Variants in KNTC1 observed in about 807,000 individuals in gnomAD.
KNTC1 encodes the protein kinetochore associated 1.
Under a neutral mutation model 314.4 loss-of-function variants are expected in KNTC1, and 253 were observed. That is an observed-to-expected ratio of 0.80 (90% CI 0.73 to 0.89). The LOEUF (loss-of-function observed/expected upper bound fraction) is 0.89. Among genes scored for constraint, KNTC1 ranks in the 40% least tolerant of loss-of-function variants. The pLI, the probability that KNTC1 is intolerant of heterozygous loss-of-function variation, is 0.00. For missense variants in KNTC1, 2,475 were observed against 2,572.9 expected, an observed-to-expected ratio of 0.96 and a Z score of 0.82; for synonymous variants, 901 against 901.4, an observed-to-expected ratio of 1.00 and a Z score of 0.01.
intron 41 of KNTC1, 119 bp from the exon 42 acceptor site, chr12:122,591,216 ATG>A: frequency 1.4e-6 from 1 of 691,526 alleles, no homozygotes; most frequent in Non-Finnish European, 2.6e-6. Context: ...ACAAAATAAT[ATG>A]TAACATTCTA....
In KNTC1 at chr12:122,604,898, G is replaced by A. The variant is rs759415897; in HGVS notation, c.5197G>A (p.Glu1733Lys). Residue 1733 changes from glutamate to lysine, a missense_variant, in exon 50 of 64, where the codon GAG becomes AAG. Coordinates refer to ENST00000333479, the MANE Select transcript of KNTC1 (RefSeq NM_014708.6). Reference sequence around the variant, plus strand: ...AAAGGACGAAAAACGTGAAAAAGCCGAGGCTTTGTTGAAGAAGCTTCATAT... The same window carrying A: ...AAAGGACGAAAAACGTGAAAAAGCCAAGGCTTTGTTGAAGAAGCTTCATAT... ...PSQDEKREKA[E>K]ALLKKLHIQY... The A allele has an allele frequency of 1.2e-5, 19 of 1,606,252 alleles. No homozygotes were observed. Among genetic ancestry groups the A allele is most frequent in the Admixed American group, 3.4e-5 (2 of 58,518 alleles).
At chr12:122,618,583 T>A (rs775715685) in intron 59 of KNTC1, 38 bp downstream of exon 59, 1 of 1,403,682 alleles carries the variant, frequency 7.1e-7, no homozygotes, top group African/African-American at 1.4e-5. Context: ...AAAAAAAAAG[T>A]TTGTTGCTTA....
intron 61 of KNTC1, 105 bp downstream of exon 61, chr12:122,622,075 T>A: frequency 1.2e-6 from 1 of 805,838 alleles, no homozygotes; most frequent in South Asian, 1.6e-5. Context: ...TCTAGCTGTT[T>A]GTTTATGTAT....
At chr12:122,561,853 A>G in intron 18 of KNTC1, 68 bp from the exon 19 acceptor site, 1 of 1,352,794 alleles carries the variant, frequency 7.4e-7, no homozygotes, top group East Asian at 2.4e-5. Context: ...TATTTCACAG[A>G]AAATCCATCA....
chr12:122,535,096 T>C (rs1176858911), intron 3 of KNTC1, among the ~76,000 whole-genome samples: 2 of 152,238 alleles, frequency 1.3e-5, no homozygotes, highest in African/African-American at 4.8e-5. Context: ...CTGAATCTTG[T>C]ACAGAATTTC....
chr12:122,611,256 G>A (rs1003989121), intron 53 of KNTC1: 6 of 203,964 alleles, frequency 2.9e-5, no homozygotes, highest in Non-Finnish European at 4.9e-5. Flanking sequence ...TGCATGCTCT[G>A]GTCAGACCAC....
intron 1 of KNTC1, among the ~76,000 whole-genome samples, chr12:122,528,512 G>T (rs1415757002): frequency 6.6e-6 from 1 of 152,162 alleles, no homozygotes; most frequent in Non-Finnish European, 1.5e-5. Context: ...GGAGATCAAG[G>T]CCAGCCAGGG....
intron 13 of KNTC1, 89 bp downstream of exon 13, chr12:122,549,953 T>A: frequency 1.4e-6 from 1 of 716,058 alleles, no homozygotes; most frequent in Non-Finnish European, 2.3e-6. Flanking sequence ...CCTTAATAAT[T>A]AAGCTAAGCA....
intron 12 of KNTC1, among the ~76,000 whole-genome samples, chr12:122,548,909 G>C (rs957628477): frequency 6.6e-6 from 1 of 151,920 alleles, no homozygotes; most frequent in Non-Finnish European, 1.5e-5. Flanking sequence ...CAGAGGTTGC[G>C]GTAAGCTGAG....
At chr12:122,608,482 A>T (rs1872765506) in intron 51 of KNTC1, among the ~76,000 whole-genome samples, 1 of 152,154 alleles carries the variant, frequency 6.6e-6, no homozygotes, top group African/African-American at 2.4e-5. Context: ...TTGATTCAAC[A>T]AGGATTTTTA....
At chr12:122,603,733 C>G (rs575085493) in intron 48 of KNTC1, among the ~76,000 whole-genome samples, 2 of 152,194 alleles carry the variant, frequency 1.3e-5, no homozygotes, top group African/African-American at 4.8e-5. Context: ...CCTTGTGATC[C>G]GCCCGCCTCG....
At position 122,562,687 on chromosome 12, in the gene KNTC1, C is replaced by G; in HGVS notation, c.1592C>G (p.Pro531Arg). 6.2e-7 allele frequency: 1 copy of G among 1,607,648 alleles called. No individual in the cohort carries two copies. ...ACTACTTTTTATGGAGCATTTGGAC[C>G]AGAAAAATTCAGGTGTGTACATTTT... The part of the protein sequence containing the change: ...KLTTFYGAFG[P>R]EKFSGSSWIE... Residue 531 changes from proline to arginine, a missense_variant, in exon 20 of 64, where the codon CCA (proline) becomes CGA (arginine). Coordinates refer to ENST00000333479, the MANE Select transcript of KNTC1 (RefSeq NM_014708.6).
At chr12:122,609,910 A>G (rs1345315288) in intron 52 of KNTC1, among the ~76,000 whole-genome samples, 1 of 152,224 alleles carries the variant, frequency 6.6e-6, no homozygotes, top group Non-Finnish European at 1.5e-5. Context: ...TCAAGTCAGA[A>G]CGAATGTGGC....
intron 51 of KNTC1, among the ~76,000 whole-genome samples, chr12:122,608,347 C>A (rs1322257936): frequency 6.6e-6 from 1 of 152,144 alleles, no homozygotes; most frequent in African/African-American, 2.4e-5. Flanking sequence ...CCAGGCTGAT[C>A]TCGAACTCCT....
chr12:122,554,076 A>ATATATATATATATATATATATATAT (rs1555224817), intron 16 of KNTC1, among the ~76,000 whole-genome samples: 11 of 109,030 alleles, frequency 1.0e-4, no homozygotes, highest in African/African-American at 3.9e-4. Flanking sequence ...AAAAAAAAAA[A>ATATATATATATATATATATATATAT]ATATATATAT....
Position 122,585,670 on chromosome 12 carries a change from A to C in KNTC1, c.3569A>C (p.Glu1190Ala), listed in dbSNP as rs1386875860. Residue 1190 changes from glutamate to alanine, a missense_variant, in exon 37 of 64, where the codon GAG (glutamate) becomes GCG (alanine). Coordinates refer to ENST00000333479, the MANE Select transcript of KNTC1 (RefSeq NM_014708.6). ...GGGACACATAAAGATCCATATGAAG[A>C]GTGGTCTTACAGTGACTTCTTCAGT... ...SFGTHKDPYE[E>A]WSYSDFFSED... is the part of the protein sequence containing the mutation. The C allele has an allele frequency of 6.2e-7, 1 of 1,613,884 alleles. No homozygotes were observed. Among genetic ancestry groups the C allele is most frequent in the African/African-American group, 1.3e-5 (1 of 75,056 alleles).
intron 18 of KNTC1, 36 bp from the exon 19 acceptor site, chr12:122,561,885 A>G: frequency 6.7e-7 from 1 of 1,497,270 alleles, no homozygotes; most frequent in Non-Finnish European, 9.1e-7. Flanking sequence ...AACAGTAGAT[A>G]TTCTTCTAAC....
At chr12:122,580,832 T>G (rs1355922512) in intron 33 of KNTC1, among the ~76,000 whole-genome samples, 162 bp downstream of exon 33, 2 of 152,128 alleles carry the variant, frequency 1.3e-5, no homozygotes, top group African/African-American at 4.8e-5. Flanking sequence ...ATCGAGATCA[T>G]CCTGGCTAAC....
At chr12:122,554,039 G>T (rs1963383132) in intron 16 of KNTC1, among the ~76,000 whole-genome samples, 1 of 137,776 alleles carries the variant, frequency 7.3e-6, no homozygotes, top group Non-Finnish European at 1.5e-5. Flanking sequence ...AAATATAACG[G>T]TTTTAAACAT....
Sources: allele counts gnomAD v4.1 joint callset (sites outside exome capture counted in the v4.1 genomes callset), GRCh38; gene constraint gnomAD v4.1.1; transcripts MANE v1.5; gene names NCBI Gene and HGNC (gene_info 2026-07-23, HGNC 2026-07-21).